The following CCNK variants were observed in gnomAD, a reference collection of about 807,000 sequenced individuals.
The protein encoded by CCNK is cyclin K.
A neutral mutation model predicts 65.0 loss-of-function variants in CCNK; 9 were observed. The observed-to-expected ratio is 0.14, with a 90% confidence interval of 0.08 to 0.24. CCNK has a LOEUF of 0.24. Among genes scored for constraint, CCNK ranks in the 10% least tolerant of loss-of-function variants. CCNK has a pLI of 1.00. For missense variants in CCNK, 474 were observed against 720.0 expected (o/e 0.66, Z 3.91); for synonymous variants, 279 against 270.8 (o/e 1.03, Z -0.30).
rs200951416 is a variant in CCNK at position 99,495,677 on chromosome 14, T to C, written c.411+48T>C. The stretch of plus-strand genomic sequence containing the variant: ...GCCTTCTGGTCTTGATTCCTTATGG[T>C]AGTATTGTACAGTTCCACATGTTGA... On this transcript the variant is annotated intron_variant, in intron 4 of 10. Coordinates refer to ENST00000389879, the MANE Select transcript of CCNK (RefSeq NM_001099402.2). 80 of 1,563,312 alleles carry C rather than the reference T, an allele frequency of 5.1e-5. No homozygotes were observed. The African/African-American group carries it at 9.7e-4, about 19-fold the overall frequency.
At chr14:99,490,330 C>A (rs1473187590) in intron 1 of CCNK, among the ~76,000 whole-genome samples, 1 of 152,178 alleles carries the variant, frequency 6.6e-6, no homozygotes, top group Admixed American at 6.5e-5. Flanking sequence ...ATATCACCTG[C>A]ACCCAAATAT....
intron 1 of CCNK, among the ~76,000 whole-genome samples, chr14:99,484,564 C>A (rs8011888): frequency 0.025 from 3,815 of 152,288 alleles, 159 homozygotes; most frequent in African/African-American, 0.087. Context: ...AGTTTAAGGA[C>A]CCTGGTAGAA....
chr14:99,496,507 G>A (rs550985528), intron 4 of CCNK, among the ~76,000 whole-genome samples: 12 of 151,720 alleles, frequency 7.9e-5, no homozygotes, highest in Non-Finnish European at 1.5e-4. Flanking sequence ...TCAGGAGATC[G>A]AGACCATCCT....
chr14:99,502,623 G>C, intron 7 of CCNK, 96 bp from the exon 8 acceptor site: 1 of 1,264,200 alleles, frequency 7.9e-7, no homozygotes, highest in Non-Finnish European at 1.1e-6. Context: ...TTCATGCTTA[G>C]GTCCTCGTAG....
intron 1 of CCNK, among the ~76,000 whole-genome samples, chr14:99,487,943 A>G (rs1021337657): frequency 6.6e-6 from 1 of 152,224 alleles, no homozygotes; most frequent in African/African-American, 2.4e-5. Flanking sequence ...CTGGTCTCCT[A>G]TTCAGTCTCA....
chr14:99,493,468 A>G (rs1327169837), intron 2 of CCNK, 46 bp from the exon 3 acceptor site: 1 of 1,216,996 alleles, frequency 8.2e-7, no homozygotes, highest in African/African-American at 1.5e-5. Context: ...AACTAAGAGT[A>G]TAACCTGTAA....
rs1896639593 is a variant in CCNK at position 99,493,598 on chromosome 14, A to G, written c.279+3A>G. 2 of 1,574,682 alleles carry G rather than the reference A, an allele frequency of 1.3e-6. No homozygotes were observed. The highest frequency in any genetic ancestry group is 1.4e-5 in the African/African-American group (1 of 73,904). ...CCTTCAAGCAATTCCCAAGATATGT[A>G]AGTGTTTGAATTTTATTGTAATTCT... On this transcript the variant is annotated splice_donor_region_variant and intron_variant, in intron 3 of 10. Transcript: ENST00000389879.
intron 1 of CCNK, among the ~76,000 whole-genome samples, chr14:99,485,675 C>G (rs1237805127): frequency 1.3e-5 from 2 of 152,128 alleles, no homozygotes; most frequent in Non-Finnish European, 2.9e-5. Flanking sequence ...CTGTTACTCT[C>G]TTTGAGAACA....
intron 1 of CCNK, among the ~76,000 whole-genome samples, chr14:99,491,780 TA>T (rs1338322952): frequency 6.6e-6 from 1 of 152,230 alleles, no homozygotes; most frequent in Non-Finnish European, 1.5e-5. Flanking sequence ...GTTTTCTTGC[TA>T]ACCAGACTAA....
chr14:99,503,244 C>T, intron 8 of CCNK: 1 of 651,574 alleles, frequency 1.5e-6, no homozygotes, highest in Non-Finnish European at 2.8e-6. Context: ...GGTTCTGAAG[C>T]CTGTCGGTGT....
chr14:99,499,109 A>T (rs532811237), intron 4 of CCNK, among the ~76,000 whole-genome samples: 26 of 152,332 alleles, frequency 1.7e-4, no homozygotes, highest in Admixed American at 5.2e-4. Context: ...GCACAGTCTC[A>T]GCTCACTGCA....
intron 4 of CCNK, among the ~76,000 whole-genome samples, chr14:99,497,541 C>T (rs1566749510): frequency 1.3e-5 from 2 of 152,142 alleles, no homozygotes; most frequent in South Asian, 2.1e-4. Flanking sequence ...AGCAAGTACT[C>T]GTGGAATAAA....
intron 5 of CCNK, chr14:99,501,122 C>T (rs1216925615): frequency 1.7e-6 from 1 of 602,246 alleles, no homozygotes; most frequent in African/African-American, 1.9e-5. Flanking sequence ...TTTAAATGGA[C>T]TAATAAACTT....
At chr14:99,491,397 G>A (rs1286587047) in intron 1 of CCNK, among the ~76,000 whole-genome samples, 2 of 152,160 alleles carry the variant, frequency 1.3e-5, no homozygotes, top group African/African-American at 4.8e-5. Context: ...TGCCAACAGA[G>A]CAAATTGTCA....
At chr14:99,495,998 A>G (rs1439106433) in intron 4 of CCNK, among the ~76,000 whole-genome samples, 2 of 152,204 alleles carry the variant, frequency 1.3e-5, no homozygotes, top group Non-Finnish European at 2.9e-5. Flanking sequence ...TGCTGTATGT[A>G]CACATACACA....
chr14:99,489,559 A>G (rs1369040608), intron 1 of CCNK, among the ~76,000 whole-genome samples: 1 of 152,226 alleles, frequency 6.6e-6, no homozygotes, highest in African/African-American at 2.4e-5. Context: ...AAATAAATAA[A>G]CAAATAAATA....
intron 1 of CCNK, among the ~76,000 whole-genome samples, chr14:99,482,586 A>AG (rs996480919): frequency 3.9e-5 from 6 of 152,176 alleles, no homozygotes; most frequent in African/African-American, 1.4e-4. Flanking sequence ...GGTGTCTTTT[A>AG]GGGTTTTTTT....
rs918156496 is a variant in CCNK at position 99,500,878 on chromosome 14, A to G, written c.517+7A>G. 3.4e-6 allele frequency: 5 copies of G among 1,482,396 alleles called. No individual in the cohort carries two copies. The Admixed American group carries it at 8.9e-5, about 26-fold the overall frequency. The allele number at this position is 1,482,396 out of a possible 1,614,324, so 91.8% of individuals were successfully genotyped here. ...TATGCAAAGCAACTCAAAGGTAAGA[A>G]GAAAGTTTTCAGAAGAATTTTTTCA... On this transcript the variant is annotated splice_region_variant and intron_variant, in intron 5 of 10. Transcript: ENST00000389879.
intron 9 of CCNK, chr14:99,504,130 C>A: frequency 3.1e-6 from 1 of 321,862 alleles, no homozygotes; most frequent in Non-Finnish European, 6.3e-6. Flanking sequence ...GTCTAGAACC[C>A]AAAGTTAGTT....
Sources: allele counts gnomAD v4.1 joint callset (sites outside exome capture counted in the v4.1 genomes callset), GRCh38; gene constraint gnomAD v4.1.1; transcripts MANE v1.5; gene names NCBI Gene and HGNC (gene_info 2026-07-23, HGNC 2026-07-21).